The following ATP8A2 variants were observed in gnomAD, a reference collection of about 807,000 sequenced individuals.
ATP8A2 encodes the protein phospholipid-transporting ATPase IB.
A neutral mutation model predicts 165.6 loss-of-function variants in ATP8A2; 100 were observed. That is an observed-to-expected ratio of 0.60 (90% CI 0.51 to 0.71). The LOEUF (loss-of-function observed/expected upper bound fraction) is 0.71, where lower values mean the gene tolerates loss of function less well. Among genes scored for constraint, ATP8A2 ranks in the 30% least tolerant of loss-of-function variants. The pLI is 0.00. For synonymous variants in ATP8A2, 543 were observed against 548.8 expected, an observed-to-expected ratio of 0.99 and a Z score of 0.15; for missense variants, 1,227 against 1,479.5, an observed-to-expected ratio of 0.83 and a Z score of 2.80.
intron 35 of ATP8A2, among the ~76,000 whole-genome samples, chr13:25,986,454 G>A (rs1175493230): frequency 6.6e-6 from 1 of 152,214 alleles, no homozygotes; most frequent in Non-Finnish European, 1.5e-5. Flanking sequence ...GTCAGATCAT[G>A]CAGTGTTTGT....
intron 25 of ATP8A2, among the ~76,000 whole-genome samples, chr13:25,766,159 C>A (rs1282496768): frequency 2.6e-5 from 4 of 152,140 alleles, no homozygotes; most frequent in Non-Finnish European, 4.4e-5. Flanking sequence ...GAGGTTCCAC[C>A]TCAGTGAATG....
intron 24 of ATP8A2, among the ~76,000 whole-genome samples, chr13:25,645,111 G>A (rs1197886099): frequency 6.6e-6 from 1 of 152,062 alleles, no homozygotes; most frequent in Non-Finnish European, 1.5e-5. Context: ...CCCAAGATTG[G>A]GAAGTAAAAG....
intron 27 of ATP8A2, among the ~76,000 whole-genome samples, chr13:25,776,736 A>G (rs762664448): frequency 6.6e-6 from 1 of 152,192 alleles, no homozygotes; most frequent in Non-Finnish European, 1.5e-5. Context: ...ACCATCGTGT[A>G]AAAGGGTATT....
chr13:25,945,360 A>G (rs1395747209), intron 33 of ATP8A2, among the ~76,000 whole-genome samples: 1 of 152,316 alleles, frequency 6.6e-6, no homozygotes, highest in East Asian at 1.9e-4. Flanking sequence ...TAAGTTCTCA[A>G]AAACTGCTGG....
chr13:25,564,498 T>C (rs558501004), intron 16 of ATP8A2, among the ~76,000 whole-genome samples: 1 of 152,274 alleles, frequency 6.6e-6, no homozygotes, highest in Non-Finnish European at 1.5e-5. Context: ...TTAGTCAACA[T>C]TTGAATCACA....
At chr13:26,010,727 C>T (rs1956827552) in intron 35 of ATP8A2, among the ~76,000 whole-genome samples, 1 of 152,144 alleles carries the variant, frequency 6.6e-6, no homozygotes, top group Non-Finnish European at 1.5e-5. Flanking sequence ...TCAGCCAGAC[C>T]CGGTGAGATT....
chr13:25,439,249 T>C lies in ATP8A2; in HGVS notation c.77-29728T>C, dbSNP rs564453193. On this transcript the variant is annotated intron_variant, in intron 1 of 36. Coordinates refer to ENST00000381655, the MANE Select transcript of ATP8A2 (RefSeq NM_016529.6). ...TCAACTCAGGGGCTGTCAGCCAGGC[T>C]GGTGGCCTTGGTGCCTGCAGGGTGT... Among the ~76,000 whole-genome samples the C allele has an allele frequency of 3.3e-5, 5 of 152,246 alleles. No homozygotes were observed. The South Asian group carries it at 1.0e-3, about 32-fold the overall frequency.
intron 27 of ATP8A2, among the ~76,000 whole-genome samples, chr13:25,808,614 T>A (rs1190166389): frequency 5.2e-4 from 73 of 141,282 alleles, no homozygotes; most frequent in African/African-American, 1.6e-3. Context: ...AAAAAAAAAA[T>A]TTTTTTTTTG....
At chr13:25,380,954 C>A (rs1205534588) in intron 1 of ATP8A2, among the ~76,000 whole-genome samples, 1 of 152,112 alleles carries the variant, frequency 6.6e-6, no homozygotes, top group Non-Finnish European at 1.5e-5. Flanking sequence ...TATTTATCTT[C>A]CTCTTGAGTC....
At chr13:25,519,191 C>T (rs1011855216) in intron 2 of ATP8A2, among the ~76,000 whole-genome samples, 1 of 152,188 alleles carries the variant, frequency 6.6e-6, no homozygotes. Context: ...ATGAGACTTG[C>T]TCCTGCTCCT....
At chr13:25,843,737 T>G (rs1951797421) in intron 30 of ATP8A2, among the ~76,000 whole-genome samples, 1 of 152,224 alleles carries the variant, frequency 6.6e-6, no homozygotes, top group Non-Finnish European at 1.5e-5. Context: ...CCTCTCCTCC[T>G]TTCCCTATCC....
chr13:25,512,986 G>A (rs1211022026), intron 2 of ATP8A2, among the ~76,000 whole-genome samples: 5 of 138,044 alleles, frequency 3.6e-5, no homozygotes, highest in African/African-American at 1.0e-4. Context: ...CCTCCCGGAC[G>A]GGGTGGCTGG....
At chr13:25,897,648 T>C (rs1953600621) in intron 33 of ATP8A2, among the ~76,000 whole-genome samples, 1 of 152,208 alleles carries the variant, frequency 6.6e-6, no homozygotes, top group Middle Eastern at 3.2e-3. Flanking sequence ...TTAGTTCCAT[T>C]CTCCCCGTCA....
At chr13:25,647,264 C>A (rs981125457) in intron 24 of ATP8A2, among the ~76,000 whole-genome samples, 1 of 152,182 alleles carries the variant, frequency 6.6e-6, no homozygotes, top group Admixed American at 6.5e-5. Context: ...TTCCCTTTAG[C>A]AATTTCTGTA....
chr13:25,559,729 C>T lies in ATP8A2; in HGVS notation c.1361C>T (p.Pro454Leu). The change falls in exon 15 of 37, where the codon CCA becomes CTA. Residue 454 changes from proline (P) to leucine (L), a missense_variant. Transcript: ENST00000381655. ...SIAGVTYGHF[P>L]ELAREPSSDD... ...TTCCGTTTCTCTGGCAGTCACTTCC[C>T]AGAATTGGCAAGAGAGCCGTCTTCA... 6.2e-7 allele frequency: 1 copy of T among 1,613,498 alleles called. No individual in the cohort carries two copies. The highest frequency in any genetic ancestry group is 1.7e-5 in the Admixed American group (1 of 59,994).
chr13:25,641,384 G>A (rs1261084781), intron 24 of ATP8A2, among the ~76,000 whole-genome samples: 4 of 152,180 alleles, frequency 2.6e-5, no homozygotes, highest in Non-Finnish European at 4.4e-5. Context: ...ATCTCCTTAA[G>A]CTGATAAGCA....
chr13:25,660,646 A>G (rs1425065112), intron 24 of ATP8A2, among the ~76,000 whole-genome samples: 6 of 151,958 alleles, frequency 3.9e-5, no homozygotes, highest in African/African-American at 1.2e-4. Context: ...ATTGTGGAAA[A>G]CATAGAAGGA....
At position 25,897,729 on chromosome 13, in the gene ATP8A2, C is replaced by T. The variant is rs927644595; in HGVS notation, c.3183+35321C>T. 4.6e-5 allele frequency among the ~76,000 whole-genome samples: 7 copies of T among 152,042 alleles called. No homozygotes were observed. In the East Asian group the frequency reaches 5.8e-4, roughly 13 times the overall value. ...TCCCATATTTCTTGGAGGCTTTGTT[C>T]GTTTCTTTTTATTCTTTTTTCTCTA... On this transcript the variant is annotated intron_variant, in intron 33 of 36. Coordinates refer to ENST00000381655, the MANE Select transcript of ATP8A2 (RefSeq NM_016529.6).
At chr13:25,846,700 A>C (rs1357620799) in intron 30 of ATP8A2, among the ~76,000 whole-genome samples, 1 of 152,146 alleles carries the variant, frequency 6.6e-6, no homozygotes, top group African/African-American at 2.4e-5. Flanking sequence ...GATTTATTGT[A>C]ATATAACCAC....
Sources: gnomAD v4.1 joint callset for allele counts (sites outside exome capture counted in the v4.1 genomes callset) on GRCh38, gnomAD v4.1.1 for gene constraint, MANE v1.5 for transcripts, NCBI Gene and HGNC (gene_info 2026-07-23, HGNC 2026-07-21) for gene names.